Variants in DIP2C observed in about 807,000 individuals in gnomAD.
DIP2C encodes the protein disco-interacting protein 2 homolog C.
DIP2C carries 33 observed loss-of-function variants against 192.4 expected under a neutral mutation model. The observed-to-expected ratio is 0.17, with a 90% CI of 0.13 to 0.23. The LOEUF (loss-of-function observed/expected upper bound fraction) is 0.23, where lower values mean the gene tolerates loss of function less well. Ranked by LOEUF, DIP2C falls within the 10% of genes least tolerant of loss-of-function variation. DIP2C has a pLI of 1.00. For synonymous variants in DIP2C, 979 were observed against 864.1 expected (o/e 1.13, Z -2.33); for missense variants, 1,537 against 2,110.1 (o/e 0.73, Z 5.32).
chr10:527,702 G>T (rs774757948), intron 1 of DIP2C, among the ~76,000 whole-genome samples: 4 of 152,210 alleles, frequency 2.6e-5, no homozygotes, highest in Non-Finnish European at 5.9e-5. Context: ...ATAAATGTTG[G>T]CTAAGGGATA....
chr10:640,147 G>A (rs1409941589), intron 1 of DIP2C, among the ~76,000 whole-genome samples: 2 of 151,972 alleles, frequency 1.3e-5, no homozygotes, highest in East Asian at 3.9e-4. Flanking sequence ...CCACGCATCC[G>A]CACCTACCAC....
Position 366,314 on chromosome 10 carries a change from G to A in DIP2C, c.2229C>T (p.Ser743=). The change falls in exon 19 of 37, where the codon TCC becomes TCT. Residue 743 remains serine (S), a synonymous_variant. Coordinates refer to ENST00000280886, the MANE Select transcript of DIP2C (RefSeq NM_014974.3). ...TGGTCATGCCAGAGAGGCCATAGTA[G>A]GACGTGCCCGTCGCAACTGCACACA... ...LCVCAVATGT[S]YYGLSGMTKN... 6.2e-7 allele frequency: 1 copy of A among 1,613,884 alleles called. No individual in the cohort carries two copies. Among genetic ancestry groups the A allele is most frequent in the Non-Finnish European group, 8.5e-7 (1 of 1,179,952 alleles).
chr10:374,748 TAAG>T (rs767687050), intron 17 of DIP2C, among the ~76,000 whole-genome samples: 26 of 152,198 alleles, frequency 1.7e-4, no homozygotes, highest in Non-Finnish European at 3.2e-4. Context: ...AACACCTTGC[TAAG>T]AAGTAAAAAT....
At chr10:587,349 G>A (rs1394946868) in intron 1 of DIP2C, among the ~76,000 whole-genome samples, 10 of 152,242 alleles carry the variant, frequency 6.6e-5, no homozygotes, top group East Asian at 3.8e-4. Context: ...AGTAAAACGC[G>A]GTGATAACCG....
intron 6 of DIP2C, among the ~76,000 whole-genome samples, chr10:416,924 A>G (rs1002312218): frequency 2.0e-5 from 3 of 152,222 alleles, no homozygotes; most frequent in Non-Finnish European, 2.9e-5. Flanking sequence ...TGGACCATAA[A>G]AAACAGACTT....
At chr10:482,866 G>A (rs1301656316) in intron 2 of DIP2C, among the ~76,000 whole-genome samples, 1 of 152,220 alleles carries the variant, frequency 6.6e-6, no homozygotes, top group East Asian at 1.9e-4. Flanking sequence ...TGAGGGATGG[G>A]TTTGAACCGC....
intron 1 of DIP2C, among the ~76,000 whole-genome samples, chr10:522,092 T>TCC (rs1846746791): frequency 1.5e-5 from 2 of 129,434 alleles, no homozygotes; most frequent in Admixed American, 7.9e-5. Context: ...CATTCACCCC[T>TCC]CCCCTCCCCA....
chr10:480,187 A>G (rs1307386507), intron 2 of DIP2C, among the ~76,000 whole-genome samples: 1 of 143,342 alleles, frequency 7.0e-6, no homozygotes, highest in Admixed American at 7.0e-5. Context: ...GCCCCGGTCC[A>G]TGCTCACTGG....
chr10:483,203 G>A (rs972538491), intron 2 of DIP2C, among the ~76,000 whole-genome samples: 2 of 152,180 alleles, frequency 1.3e-5, no homozygotes, highest in African/African-American at 4.8e-5. Context: ...AGTTTCTGGA[G>A]GAATAGGAAT....
At chr10:603,059 C>T (rs900834012) in intron 1 of DIP2C, among the ~76,000 whole-genome samples, 1 of 152,046 alleles carries the variant, frequency 6.6e-6, no homozygotes, top group East Asian at 1.9e-4. Flanking sequence ...CCAGGAATTC[C>T]ACATCACCAC....
rs556332908 is a variant in DIP2C, at chr10:580,513, A to G, written c.86-93983T>C. Among the ~76,000 whole-genome samples, 9 of 150,826 alleles carry G rather than the reference A, an allele frequency of 6.0e-5. 1 individual carries two copies. In the South Asian group the frequency reaches 1.4e-3, roughly 24 times the overall value. On this transcript the variant is annotated intron_variant, in intron 1 of 36. Transcript: ENST00000280886. ...ATAGTGTGGATATAATAGTGCCCATAGTTATGCACATATGTACACATGTAC... is the reference window on the plus strand; with the variant it reads ...ATAGTGTGGATATAATAGTGCCCATGGTTATGCACATATGTACACATGTAC...
intron 2 of DIP2C, among the ~76,000 whole-genome samples, chr10:484,249 A>C (rs938660747): frequency 4.6e-5 from 7 of 152,230 alleles, no homozygotes; most frequent in Non-Finnish European, 8.8e-5. Context: ...TATTCAAAAT[A>C]CTGTCCGCCA....
In DIP2C at chr10:472,430, C is replaced by A. The variant is rs765062120; in HGVS notation, c.268+9G>T. 1.2e-6 allele frequency: 2 copies of A among 1,612,420 alleles called. No homozygotes were observed. Among genetic ancestry groups the A allele is most frequent in the Non-Finnish European group, 1.7e-6 (2 of 1,178,826 alleles). ...ATGGACGTATTGTATCACCCCACCC[C>A]GTGCTTACCTGACCGATAGCGCTCA... On this transcript the variant is annotated intron_variant, in intron 3 of 36. Coordinates refer to ENST00000280886, the MANE Select transcript of DIP2C (RefSeq NM_014974.3).
intron 5 of DIP2C, among the ~76,000 whole-genome samples, chr10:421,483 C>G (rs937723012): frequency 6.6e-6 from 1 of 152,134 alleles, no homozygotes; most frequent in African/African-American, 2.4e-5. Context: ...GCCTCAGCCA[C>G]TATCCTGGGA....
At chr10:457,558 CTTT>C (rs200740677) in intron 3 of DIP2C, among the ~76,000 whole-genome samples, 2 of 152,006 alleles carry the variant, frequency 1.3e-5, no homozygotes, top group African/African-American at 2.4e-5. Flanking sequence ...AGATTAAATT[CTTT>C]TTTTTCTTTT....
In DIP2C at chr10:634,242, CACAG is replaced by C. The variant is rs531075110; in HGVS notation, c.85+55248_85+55251del. Among the ~76,000 whole-genome samples the C allele has an allele frequency of 2.3e-3, 354 of 152,364 alleles. 5 individuals are homozygous for C. The highest frequency in any genetic ancestry group is 7.9e-3 in the African/African-American group (330 of 41,588). On this transcript the variant is annotated intron_variant, in intron 1 of 36. Transcript: ENST00000280886. ...ATACTGAGGCTCCACACAGATGGCACACAGACAGGCCTCACCCCTTCCTGGTGCC... is the reference window on the plus strand; with the variant it reads ...ATACTGAGGCTCCACACAGATGGCACACAGGCCTCACCCCTTCCTGGTGCC...
intron 1 of DIP2C, among the ~76,000 whole-genome samples, chr10:510,572 A>C (rs1845942053): frequency 6.6e-6 from 1 of 152,232 alleles, no homozygotes; most frequent in South Asian, 2.1e-4. Flanking sequence ...AAATTACTGC[A>C]GGGTCAGAGC....
chr10:355,974 G>A (rs573836403), intron 24 of DIP2C, among the ~76,000 whole-genome samples: 75 of 152,278 alleles, frequency 4.9e-4, no homozygotes, highest in Middle Eastern at 6.8e-3. Flanking sequence ...CCAGCTACCC[G>A]GAGGCTGATG....
At position 291,896 on chromosome 10, in the gene DIP2C, G is replaced by A. The variant is rs60733426; in HGVS notation, c.3987-3475C>T. On this transcript the variant is annotated intron_variant, in intron 32 of 36. Coordinates refer to ENST00000280886, the MANE Select transcript of DIP2C (RefSeq NM_014974.3). ...CTGGAGGGAGATGCAGAGGTCTGTG[G>A]ACTCCGGGAGCCAGAGGGGAGCAGG... Among the ~76,000 whole-genome samples the A allele has an allele frequency of 6.0e-3, 917 of 152,374 alleles. 11 individuals are homozygous for A. The highest frequency in any genetic ancestry group is 0.021 in the African/African-American group (872 of 41,592).
Sources: allele counts gnomAD v4.1 joint callset (sites outside exome capture counted in the v4.1 genomes callset), GRCh38; gene constraint gnomAD v4.1.1; transcripts MANE v1.5; gene names NCBI Gene and HGNC (gene_info 2026-07-23, HGNC 2026-07-21).